CRYBG1: variants seen among roughly 807,000 people sequenced by gnomAD.
The protein encoded by CRYBG1 is crystallin beta-gamma domain containing 1, also known as beta/gamma crystallin domain-containing protein 1.
In CRYBG1, 139 loss-of-function variants were observed where a neutral mutation model predicts 189.2. That is an observed-to-expected ratio of 0.73 (90% CI 0.64 to 0.85). The LOEUF is 0.85. Among genes scored for constraint, CRYBG1 ranks in the 40% least tolerant of loss-of-function variants. The pLI is 0.00. For synonymous variants in CRYBG1, 1,023 were observed against 1,017.1 expected (o/e 1.01, Z -0.11); for missense variants, 2,611 against 2,675.8 (o/e 0.98, Z 0.53).
Position 106,507,012 on chromosome 6 carries a change from A to C in CRYBG1, c.313-4418A>C, listed in dbSNP as rs571830940. Among the ~76,000 whole-genome samples the C allele has an allele frequency of 6.9e-4, 105 of 152,238 alleles. 2 individuals are homozygous for C. The highest frequency in any genetic ancestry group is 3.7e-3 in the Admixed American group (56 of 15,286). ...CCTTAACTAATGGGTAGCAAATGTT[A>C]CAAGGTAACATTTACTAAGTGGTAA... On this transcript the variant is annotated intron_variant, in intron 2 of 21. Coordinates refer to ENST00000633556, the MANE Select transcript of CRYBG1 (RefSeq NM_001371242.2).
At chr6:106,492,510 G>A (rs1317865793) in intron 2 of CRYBG1, among the ~76,000 whole-genome samples, 1 of 151,916 alleles carries the variant, frequency 6.6e-6, no homozygotes, top group Non-Finnish European at 1.5e-5. Flanking sequence ...GGGAGGGAGG[G>A]AGGAAGAGAG....
In CRYBG1 at chr6:106,511,939, T is replaced by G. The variant is rs1426446907; in HGVS notation, c.822T>G (p.Ser274Arg). 7.9e-6 allele frequency: 12 copies of G among 1,526,574 alleles called. No individual in the cohort carries two copies. The highest frequency in any genetic ancestry group is 4.0e-5 in the Admixed American group (2 of 50,094). The allele number at this position is 1,526,574 out of a possible 1,614,324, so 94.6% of individuals were successfully genotyped here. A position where few individuals can be genotyped will look rare whatever the true frequency, so the allele number is the denominator to read the frequency against. ...AGAACGCAGAGACGCCCGCCCGCAG[T>G]CCGGGGGAGGACGCTTCACCAGGTG... The part of the protein sequence containing the change: ...RQENAETPAR[S>R]PGEDASPGAG... Residue 274 changes from serine (S) to arginine (R), a missense_variant, in exon 3 of 22, where the codon AGT becomes AGG. Physicochemically the swap from Ser to Arg is moderately radical, Grantham distance 110. Coordinates refer to ENST00000633556, the MANE Select transcript of CRYBG1 (RefSeq NM_001371242.2).
At chr6:106,469,953 G>T (rs928273916) in intron 2 of CRYBG1, among the ~76,000 whole-genome samples, 8 of 152,144 alleles carry the variant, frequency 5.3e-5, no homozygotes, top group African/African-American at 1.9e-4. Context: ...ATGCTATGGG[G>T]CTGTCACTTG....
intron 2 of CRYBG1, among the ~76,000 whole-genome samples, chr6:106,494,409 T>A (rs1443796679): frequency 6.6e-6 from 1 of 152,120 alleles, no homozygotes; most frequent in African/African-American, 2.4e-5. Context: ...CAGTTAAATT[T>A]AAAAAAATGA....
intron 2 of CRYBG1, among the ~76,000 whole-genome samples, chr6:106,485,243 T>A (rs28803627): frequency 0.09 from 13,665 of 152,270 alleles, 875 homozygotes; most frequent in Admixed American, 0.2. Context: ...GATATCTTAA[T>A]TTTTTGTAGC....
intron 21 of CRYBG1, among the ~76,000 whole-genome samples, chr6:106,567,791 G>A (rs1774934627): frequency 6.6e-6 from 1 of 152,132 alleles, no homozygotes; most frequent in Non-Finnish European, 1.5e-5. Context: ...AGCACCTTTG[G>A]AAAATCTTAC....
intron 1 of CRYBG1, among the ~76,000 whole-genome samples, chr6:106,377,845 C>T (rs1041669427): frequency 6.6e-6 from 1 of 151,742 alleles, no homozygotes; most frequent in Admixed American, 6.6e-5. Context: ...CATCATTTAC[C>T]AATGACCATT....
At chr6:106,555,651 T>A (rs879364463) in intron 16 of CRYBG1, 117 bp from the exon 17 acceptor site, 1 of 1,238,956 alleles carries the variant, frequency 8.1e-7, no homozygotes, top group Admixed American at 2.4e-5. Flanking sequence ...GAAAGAACTC[T>A]GTTTGCCAGA....
intron 1 of CRYBG1, among the ~76,000 whole-genome samples, chr6:106,398,699 A>C (rs1380458415): frequency 6.6e-6 from 1 of 152,084 alleles, no homozygotes; most frequent in African/African-American, 2.4e-5. Flanking sequence ...TTATCTTTTC[A>C]ATGTGATCTT....
At chr6:106,413,848 A>T (rs973895144) in intron 1 of CRYBG1, among the ~76,000 whole-genome samples, 3 of 152,360 alleles carry the variant, frequency 2.0e-5, no homozygotes, top group African/African-American at 7.2e-5. Flanking sequence ...AAAAGAAACC[A>T]CATACAATTG....
chr6:106,534,442 C>G (rs1773952234), intron 8 of CRYBG1, among the ~76,000 whole-genome samples: 1 of 152,082 alleles, frequency 6.6e-6, no homozygotes, highest in Non-Finnish European at 1.5e-5. Context: ...TTATAGATCT[C>G]AAAGGAAAGT....
intron 2 of CRYBG1, among the ~76,000 whole-genome samples, chr6:106,483,252 G>A (rs1335864397): frequency 6.6e-6 from 1 of 151,614 alleles, no homozygotes; most frequent in African/African-American, 2.4e-5. Flanking sequence ...TGTGATATTT[G>A]TCCTGGCACT....
intron 2 of CRYBG1, among the ~76,000 whole-genome samples, chr6:106,484,205 T>A (rs546674790): frequency 6.6e-6 from 1 of 152,316 alleles, no homozygotes; most frequent in Admixed American, 6.5e-5. Flanking sequence ...GGTTTATGTG[T>A]CATTTTTTAT....
At chr6:106,449,332 A>C (rs1582768802) in intron 1 of CRYBG1, 2 of 152,368 alleles carry the variant, frequency 1.3e-5, no homozygotes, top group African/African-American at 4.8e-5. Context: ...TAAGGGGAGC[A>C]GACTGCCTAA....
chr6:106,440,235 C>T (rs1335571442), intron 1 of CRYBG1, among the ~76,000 whole-genome samples: 4 of 143,722 alleles, frequency 2.8e-5, no homozygotes, highest in African/African-American at 1.0e-4. Flanking sequence ...GAAGCACTTT[C>T]CTTTCTTCCT....
chr6:106,460,041 T>C (rs548375776), intron 2 of CRYBG1, among the ~76,000 whole-genome samples: 2 of 152,364 alleles, frequency 1.3e-5, no homozygotes, highest in Non-Finnish European at 2.9e-5. Flanking sequence ...TGTTTGTTTT[T>C]TTGAGACAGA....
intron 21 of CRYBG1, among the ~76,000 whole-genome samples, chr6:106,566,784 C>T (rs929233180): frequency 6.6e-6 from 1 of 152,150 alleles, no homozygotes; most frequent in Non-Finnish European, 1.5e-5. Context: ...CTCGTTGGTG[C>T]ACTTACTAGC....
chr6:106,534,474 C>CTT (rs1436006804), intron 8 of CRYBG1, among the ~76,000 whole-genome samples: 2 of 152,170 alleles, frequency 1.3e-5, no homozygotes, highest in African/African-American at 4.8e-5. Flanking sequence ...GAGAAGATGT[C>CTT]ACTGATAGTA....
chr6:106,435,817 T>C (rs1771442528), intron 1 of CRYBG1, among the ~76,000 whole-genome samples: 1 of 152,092 alleles, frequency 6.6e-6, no homozygotes, highest in South Asian at 2.1e-4. Context: ...CTTAAGCACT[T>C]TGGCCTCCCA....
Sources: gnomAD v4.1 joint callset for allele counts (sites outside exome capture counted in the v4.1 genomes callset) on GRCh38, gnomAD v4.1.1 for gene constraint, MANE v1.5 for transcripts, NCBI Gene and HGNC (gene_info 2026-07-23, HGNC 2026-07-21) for gene names.